The following DRD3 variants were observed in gnomAD, a reference collection of about 807,000 sequenced individuals.
The protein encoded by DRD3 is D(3) dopamine receptor.
Under a neutral mutation model 36.3 loss-of-function variants are expected in DRD3, and 19 were observed. That is an observed-to-expected ratio of 0.52 (90% CI 0.36 to 0.77). The LOEUF is 0.77. Among genes scored for constraint, DRD3 ranks in the 30% least tolerant of loss-of-function variants. The probability of loss-of-function intolerance (pLI) is 0.00; values close to 1 mark genes in which losing one functional copy is unlikely to be tolerated. For missense variants in DRD3, 465 were observed against 505.3 expected (o/e 0.92, Z 0.77); for synonymous variants, 195 against 203.7 (o/e 0.96, Z 0.36).
At position 114,171,929 on chromosome 3, in the gene DRD3, C is replaced by T. The variant is rs2077848719; in HGVS notation, c.64G>A (p.Gly22Ser). ...NYTCGAENSTGASQARPHAYY... is the reference protein window; with the variant it reads ...NYTCGAENSTSASQARPHAYY... Reference sequence around the variant, plus strand: ...GCATGTGGGCGGGCCTGGCTGGCACCTGTGGAGTTCTCTGCCCCACAGGTG... The same window carrying T: ...GCATGTGGGCGGGCCTGGCTGGCACTTGTGGAGTTCTCTGCCCCACAGGTG... Residue 22 changes from glycine to serine, a missense_variant, in exon 2 of 7, where the codon GGT becomes AGT. Transcript: ENST00000383673. 1.3e-6 allele frequency: 2 copies of T among 1,593,840 alleles called. No individual in the cohort carries two copies. Among genetic ancestry groups the T allele is most frequent in the South Asian group, 2.3e-5 (2 of 88,026 alleles).
In DRD3 at chr3:114,190,131, A is replaced by G. The variant is rs192597244; in HGVS notation, c.-156+9142T>C. Among the ~76,000 whole-genome samples, 200 of 152,150 alleles carry G rather than the reference A, an allele frequency of 1.3e-3. 5 individuals carry two copies. In the South Asian group the frequency reaches 0.022, roughly 17 times the overall value. ...TTTACATACTTTAGATAGAGCCAGTATCACAAACCAAACTCTAGGGGAGCA... is the reference window on the plus strand; with the variant it reads ...TTTACATACTTTAGATAGAGCCAGTGTCACAAACCAAACTCTAGGGGAGCA... On this transcript the variant is annotated intron_variant, in intron 1 of 7. Transcript: ENST00000460779.
At chr3:114,158,132 C>G (rs2077699475) in intron 3 of DRD3, among the ~76,000 whole-genome samples, 3 of 151,598 alleles carry the variant, frequency 2.0e-5, no homozygotes, top group Non-Finnish European at 2.9e-5. Context: ...AAAGAGGGGT[C>G]CAGATGCAGT....
At chr3:114,176,949 A>G (rs2077905803) in intron 1 of DRD3, among the ~76,000 whole-genome samples, 1 of 152,238 alleles carries the variant, frequency 6.6e-6, no homozygotes, top group African/African-American at 2.4e-5. Flanking sequence ...GGTGAGTCAC[A>G]GAGAGGTTAA....
At chr3:114,156,839 TCTTTC>T (rs1337098229) in intron 3 of DRD3, among the ~76,000 whole-genome samples, 1 of 4,770 alleles carries the variant, frequency 2.1e-4, no homozygotes, top group Non-Finnish European at 8.0e-4. Flanking sequence ...TTCTTTCCTT[TCTTTC>T]TTTTCTTTCT....
intron 2 of DRD3, among the ~76,000 whole-genome samples, chr3:114,170,723 T>A (rs1292605417): frequency 6.6e-6 from 1 of 152,230 alleles, no homozygotes; most frequent in African/African-American, 2.4e-5. Flanking sequence ...TGATATGTCA[T>A]ACTTAATTAA....
chr3:114,187,560 T>TGC, intron 1 of DRD3, among the ~76,000 whole-genome samples: 1 of 152,300 alleles, frequency 6.6e-6, no homozygotes, highest in East Asian at 1.9e-4. Flanking sequence ...GATATCCTAC[T>TGC]GCACTGCCAT....
chr3:114,156,881 C>G (rs1405487271), intron 3 of DRD3, among the ~76,000 whole-genome samples: 2 of 69,534 alleles, frequency 2.9e-5, no homozygotes, highest in African/African-American at 5.2e-5. Flanking sequence ...TTTTCTTTCT[C>G]TTTCTTTTCT....
Position 114,139,583 on chromosome 3 carries a change from C to A in DRD3, c.640G>T (p.Val214Leu). 5 of 1,614,150 alleles carry A rather than the reference C, an allele frequency of 3.1e-6. No individual in the cohort carries two copies. Among genetic ancestry groups the A allele is most frequent in the Non-Finnish European group, 4.2e-6 (5 of 1,180,046 alleles). ...CTTTTCCGTCTCCTTTGTTTCAGCA[C>A]CACATAGATTCTGGCATAGACAAGG... ...TVLVYARIYV[V>L]LKQRRRKRIL... The change falls in exon 5 of 7, where the codon GTG becomes TTG. Residue 214 changes from valine to leucine, a missense_variant. Val to Leu is a conservative substitution (Grantham distance 32). Transcript: ENST00000383673.
intron 2 of DRD3, among the ~76,000 whole-genome samples, chr3:114,160,408 G>A (rs996117584): frequency 3.3e-5 from 5 of 151,962 alleles, no homozygotes; most frequent in African/African-American, 1.2e-4. Context: ...CACCAAGCTG[G>A]GCTAAAATCT....
chr3:114,183,181 A>G (rs1254643132), upstream of DRD3, among the ~76,000 whole-genome samples: 1 of 152,186 alleles, frequency 6.6e-6, no homozygotes, highest in Non-Finnish European at 1.5e-5. Flanking sequence ...TTATTCTTTG[A>G]TCCACTGATT....
intron 3 of DRD3, among the ~76,000 whole-genome samples, chr3:114,156,812 CTTTCT>C (rs2107861562): frequency 9.8e-6 from 1 of 101,940 alleles, no homozygotes; most frequent in African/African-American, 3.5e-5. Flanking sequence ...TTTTCTTTTT[CTTTCT>C]TTTTTCTTTC....
At chr3:114,150,343 C>A (rs535071548) in intron 3 of DRD3, among the ~76,000 whole-genome samples, 15 of 152,350 alleles carry the variant, frequency 9.8e-5, no homozygotes, top group Admixed American at 2.6e-4. Flanking sequence ...TGTACAGAGA[C>A]TTCTAACTAT....
chr3:114,187,664 G>T (rs1303138695), intron 1 of DRD3, among the ~76,000 whole-genome samples: 1 of 152,202 alleles, frequency 6.6e-6, no homozygotes, highest in African/African-American at 2.4e-5. Flanking sequence ...ATCCAAGAAG[G>T]GCATTTGGTA....
At chr3:114,130,402 T>C (rs1001339459) in intron 6 of DRD3, among the ~76,000 whole-genome samples, 4 of 151,968 alleles carry the variant, frequency 2.6e-5, no homozygotes, top group Non-Finnish European at 5.9e-5. Flanking sequence ...CAGTCTTTTT[T>C]ACTCTGTATT....
chr3:114,130,746 A>C (rs988355582), intron 6 of DRD3, among the ~76,000 whole-genome samples: 1 of 152,198 alleles, frequency 6.6e-6, no homozygotes, highest in Non-Finnish European at 1.5e-5. Context: ...ATTTTATCAT[A>C]CCATATCACA....
rs147452721 is a variant in DRD3, at chr3:114,171,966, G to T, written c.27C>A (p.Gly9=). Residue 9 remains glycine, a synonymous_variant, in exon 2 of 7, where the codon GGC becomes GGA. Transcript: ENST00000383673. ...CTGCCCCACAGGTGTAGTTCAGGTG[G>T]CCACTCAGCTGGCTCAGAGATGCCA... MASLSQLS[G]HLNYTCGAEN... The T allele has an allele frequency of 1.6e-5, 24 of 1,525,766 alleles. No individual in the cohort carries two copies. In the African/African-American group the frequency reaches 2.9e-4, roughly 19 times the overall value. The allele number at this position is 1,525,766 out of a possible 1,614,324, so 94.5% of individuals were successfully genotyped here.
intron 3 of DRD3, among the ~76,000 whole-genome samples, chr3:114,147,898 C>T (rs1466714761): frequency 6.6e-6 from 1 of 152,162 alleles, no homozygotes; most frequent in Non-Finnish European, 1.5e-5. Context: ...CTCAGCCTCC[C>T]AAAGTGTTGG....
intron 5 of DRD3, among the ~76,000 whole-genome samples, chr3:114,137,909 A>C (rs1352112864): frequency 6.7e-6 from 1 of 149,664 alleles, no homozygotes; most frequent in African/African-American, 2.5e-5. Context: ...GAGGCAGGAG[A>C]ATGGCGTGAA....
chr3:114,191,566 G>T (rs2078010865), intron 1 of DRD3, among the ~76,000 whole-genome samples: 1 of 152,202 alleles, frequency 6.6e-6, no homozygotes, highest in African/African-American at 2.4e-5. Flanking sequence ...TTTAAGCAGA[G>T]AAATGATGTA....
Sources: allele counts gnomAD v4.1 joint callset (sites outside exome capture counted in the v4.1 genomes callset), GRCh38; gene constraint gnomAD v4.1.1; transcripts MANE v1.5; gene names NCBI Gene and HGNC (gene_info 2026-07-23, HGNC 2026-07-21).